UBE3A: variants seen among roughly 807,000 people sequenced by gnomAD.
The protein encoded by UBE3A is ubiquitin protein ligase E3A, also known as ubiquitin-protein ligase E3A.
Under a neutral mutation model 83.4 loss-of-function variants are expected in UBE3A, and 6 were observed. The ratio of observed to expected loss-of-function variants is 0.07; its 90% CI spans 0.04 to 0.14. The LOEUF (loss-of-function observed/expected upper bound fraction) is 0.14, where lower values mean the gene tolerates loss of function less well. Among genes scored for constraint, UBE3A ranks in the 10% least tolerant of loss-of-function variants. The pLI is 1.00. For missense variants in UBE3A, 456 were observed against 1,036.1 expected, an observed-to-expected ratio of 0.44 and a Z score of 7.69; for synonymous variants, 337 against 355.4, an observed-to-expected ratio of 0.95 and a Z score of 0.58.
intron 11 of UBE3A, among the ~76,000 whole-genome samples, chr15:25,342,764 C>T (rs940681183): frequency 6.6e-6 from 1 of 152,008 alleles, no homozygotes; most frequent in Non-Finnish European, 1.5e-5. Flanking sequence ...GTGGCTTGTG[C>T]GGAATCATAC....
At chr15:25,436,057 G>A (rs967704329) in intron 1 of UBE3A, among the ~76,000 whole-genome samples, 6 of 152,104 alleles carry the variant, frequency 3.9e-5, no homozygotes, top group African/African-American at 1.4e-4. Flanking sequence ...AGATTAATAA[G>A]GCCAGAATTA....
At position 25,371,457 on chromosome 15, in the gene UBE3A, G is replaced by C; in HGVS notation, c.717C>G (p.Val239=). The C allele has an allele frequency of 1.2e-6, 2 of 1,614,068 alleles. No individual in the cohort carries two copies. The highest frequency in any genetic ancestry group is 1.7e-6 in the Non-Finnish European group (2 of 1,180,004). ...TTTCATTAGAGAGCAATCTGGTGTAGACCCTTCTAATGGCATCAATATCCA... is the reference window on the plus strand; with the variant it reads ...TTTCATTAGAGAGCAATCTGGTGTACACCCTTCTAATGGCATCAATATCCA... ...VSVDIDAIRR[V]YTRLLSNEKI... The change falls in exon 6 of 13, where the codon GTC becomes GTG. Residue 239 remains valine (V), a synonymous_variant. Transcript: ENST00000648336. The surrounding 1 kb of genome is among the most constrained non-coding windows in gnomAD (Gnocchi z 5.3).
chr15:25,353,528 C>T (rs2076811784), intron 11 of UBE3A, among the ~76,000 whole-genome samples: 1 of 152,144 alleles, frequency 6.6e-6, no homozygotes, highest in Non-Finnish European at 1.5e-5. Flanking sequence ...AAAAAATCTG[C>T]ATGTCAGAGG....
chr15:25,370,420 A>G lies in UBE3A; in HGVS notation c.1608+146T>C, dbSNP rs1318879816. On this transcript the variant is annotated intron_variant, in intron 6 of 12. Coordinates refer to ENST00000648336, the MANE Select transcript of UBE3A (RefSeq NM_130839.5). The surrounding 1 kb of genome is among the most constrained non-coding windows in gnomAD (Gnocchi z 4.2). Reference sequence around the variant, plus strand: ...CTATAAACTTGCACAGGAACAACAAAAGTATAATACTTATATAAGATCAGA... The same window carrying G: ...CTATAAACTTGCACAGGAACAACAAGAGTATAATACTTATATAAGATCAGA... The G allele has an allele frequency of 6.2e-6, 6 of 970,210 alleles. No individual in the cohort carries two copies. Among genetic ancestry groups the G allele is most frequent in the Non-Finnish European group, 9.6e-6 (6 of 625,914 alleles). 60.1% of individuals were successfully genotyped at this position (970,210 alleles called of 1,614,324 possible).
At chr15:25,434,155 AATT>A (rs1464647801) in intron 1 of UBE3A, among the ~76,000 whole-genome samples, 1 of 152,206 alleles carries the variant, frequency 6.6e-6, no homozygotes, top group Non-Finnish European at 1.5e-5. Context: ...CTTCTTTTTG[AATT>A]ATTATCCATA....
chr15:25,349,233 A>G (rs2076151222), intron 11 of UBE3A, among the ~76,000 whole-genome samples: 1 of 152,214 alleles, frequency 6.6e-6, no homozygotes, highest in Non-Finnish European at 1.5e-5. Flanking sequence ...AAAATGAATG[A>G]CATCCACTGT....
chr15:25,408,503 A>C (rs1021468802), intron 3 of UBE3A: 28 of 1,339,398 alleles, frequency 2.1e-5, no homozygotes, highest in Non-Finnish European at 2.7e-5. Context: ...ATAAAATGTA[A>C]ATCTCAGAAT....
intron 1 of UBE3A, among the ~76,000 whole-genome samples, chr15:25,437,666 G>A (rs1264002648): frequency 3.9e-5 from 6 of 152,054 alleles, no homozygotes; most frequent in Non-Finnish European, 8.8e-5. Context: ...TCCATAAAAA[G>A]TCATTTAAAA....
intron 5 of UBE3A, 178 bp downstream of exon 5, chr15:25,375,286 CA>C: frequency 1.5e-6 from 1 of 678,948 alleles, no homozygotes; most frequent in Non-Finnish European, 2.4e-6. Flanking sequence ...TTCTAATTAG[CA>C]ATGATTAGAC....
intron 4 of UBE3A, among the ~76,000 whole-genome samples, chr15:25,382,614 T>C (rs1363540140): frequency 6.7e-6 from 1 of 149,938 alleles, no homozygotes; most frequent in Non-Finnish European, 1.5e-5. Context: ...TAAAATAAAA[T>C]AGAGAAAAAT....
At position 25,354,513 on chromosome 15, in the gene UBE3A, C is replaced by T; in HGVS notation, c.2280+15G>A. On this transcript the variant is annotated intron_variant, in intron 10 of 12. Coordinates refer to ENST00000648336, the MANE Select transcript of UBE3A (RefSeq NM_130839.5). Reference sequence around the variant, plus strand: ...AAATCGATACATGACTTTTTGCAGACACCTGCTTTCTTACCCGGCTTCCAC... The same window carrying T: ...AAATCGATACATGACTTTTTGCAGATACCTGCTTTCTTACCCGGCTTCCAC... The T allele has an allele frequency of 1.9e-6, 3 of 1,613,928 alleles. No homozygotes were observed. Among genetic ancestry groups the T allele is most frequent in the Non-Finnish European group, 2.5e-6 (3 of 1,179,912 alleles).
At chr15:25,424,414 C>T (rs1297682633) in intron 1 of UBE3A, among the ~76,000 whole-genome samples, 1 of 152,180 alleles carries the variant, frequency 6.6e-6, no homozygotes. Flanking sequence ...ATCCTTTTCA[C>T]CTGCAAACAC....
chr15:25,422,803 G>A (rs1193135526), intron 1 of UBE3A, among the ~76,000 whole-genome samples: 4 of 117,980 alleles, frequency 3.4e-5, no homozygotes, highest in Non-Finnish European at 6.9e-5. Flanking sequence ...ACTGAGATAC[G>A]TTCTCTACCA....
At chr15:25,353,464 CTGTA>C (rs2076799481) in intron 11 of UBE3A, among the ~76,000 whole-genome samples, 1 of 152,130 alleles carries the variant, frequency 6.6e-6, no homozygotes, top group Non-Finnish European at 1.5e-5. Flanking sequence ...AGTCAGCCCT[CTGTA>C]TATGCAGGTT....
At chr15:25,416,540 G>A (rs2090958144) in intron 1 of UBE3A, among the ~76,000 whole-genome samples, 1 of 151,916 alleles carries the variant, frequency 6.6e-6, no homozygotes, top group African/African-American at 2.4e-5. Flanking sequence ...GGGCTACGCA[G>A]GAGCTGCTGC....
intron 11 of UBE3A, among the ~76,000 whole-genome samples, chr15:25,341,794 A>AG (rs2074881272): frequency 6.6e-6 from 1 of 151,612 alleles, no homozygotes; most frequent in South Asian, 2.1e-4. Context: ...AAAAAAAAAA[A>AG]AAAAAAAAAT....
chr15:25,341,145 T>TGG (rs2074696080), intron 11 of UBE3A, among the ~76,000 whole-genome samples: 1 of 151,802 alleles, frequency 6.6e-6, no homozygotes, highest in Non-Finnish European at 1.5e-5. Flanking sequence ...TCTCGGCTCA[T>TGG]TGCAAGCTCC....
At chr15:25,340,420 T>C (rs1354883355) in intron 11 of UBE3A, among the ~76,000 whole-genome samples, 192 bp from the exon 12 acceptor site, 1 of 152,166 alleles carries the variant, frequency 6.6e-6, no homozygotes, top group Non-Finnish European at 1.5e-5. Flanking sequence ...CGTAAAAATT[T>C]AGATTAGATT....
At chr15:25,429,098 G>C (rs1464385827) in intron 1 of UBE3A, among the ~76,000 whole-genome samples, 1 of 152,056 alleles carries the variant, frequency 6.6e-6, no homozygotes, top group Non-Finnish European at 1.5e-5. Flanking sequence ...AAAAAATCAA[G>C]CTATTGAAAG....
Sources: gnomAD v4.1 joint callset for allele counts (sites outside exome capture counted in the v4.1 genomes callset) on GRCh38, gnomAD v4.1.1 for gene constraint, Gnocchi (gnomAD v3.1) non-coding constraint, MANE v1.5 for transcripts, NCBI Gene and HGNC (gene_info 2026-07-23, HGNC 2026-07-21) for gene names.